Variants in NBPF3 observed in about 807,000 individuals in gnomAD.
NBPF3 encodes NBPF member 3, also known as NBPF family member NBPF3.
NBPF3 carries 57 observed loss-of-function variants against 78.1 expected under a neutral mutation model. The ratio of observed to expected loss-of-function variants is 0.73; its 90% CI spans 0.59 to 0.91. NBPF3 has a LOEUF of 0.91. NBPF3 is among the 40% of genes least tolerant of loss of function. The pLI is 0.00. For synonymous variants in NBPF3, 182 were observed against 271.7 expected (o/e 0.67, Z 3.25); for missense variants, 510 against 715.3 (o/e 0.71, Z 3.27).
At chr1:21,438,903 C>A (rs533070374), upstream of NBPF3, among the ~76,000 whole-genome samples, 1 of 152,170 alleles carries the variant, frequency 6.6e-6, no homozygotes, top group East Asian at 1.9e-4. Flanking sequence ...CAAATTAGTG[C>A]GAAGGCAGAG....
chr1:21,463,503 C>T (rs1185084342), intron 2 of NBPF3, among the ~76,000 whole-genome samples: 1 of 152,184 alleles, frequency 6.6e-6, no homozygotes, highest in Admixed American at 6.6e-5. Flanking sequence ...CAGGAAAGTT[C>T]TCATTCAAAA....
chr1:21,438,366 G>A (rs946172270), upstream of NBPF3, among the ~76,000 whole-genome samples: 11 of 152,122 alleles, frequency 7.2e-5, no homozygotes, highest in East Asian at 1.9e-4. Context: ...CACCCGCTTC[G>A]GCCACCCAAA....
chr1:21,468,656 A>AC, intron 2 of NBPF3, 32 bp from the exon 3 acceptor site: 1 of 1,612,326 alleles, frequency 6.2e-7, no homozygotes, highest in Non-Finnish European at 8.5e-7. Flanking sequence ...CCAGTTTTTA[A>AC]CCCATCGTGT....
At chr1:21,469,343 G>C (rs1642460701) in intron 3 of NBPF3, among the ~76,000 whole-genome samples, 1 of 152,150 alleles carries the variant, frequency 6.6e-6, no homozygotes, top group Non-Finnish European at 1.5e-5. Context: ...AGGAAAACTT[G>C]GTGATAGTAC....
At position 21,479,820 on chromosome 1, in the gene NBPF3, C is replaced by CTCTCTG. The variant is rs766796014; in HGVS notation, c.1209-230_1209-229insCTCTGT. 4.8e-3 allele frequency among the ~76,000 whole-genome samples: 490 copies of CTCTCTG among 102,886 alleles called. 7 individuals carry two copies. Among genetic ancestry groups the CTCTCTG allele is most frequent in the African/African-American group, 0.015 (451 of 29,778 alleles). The allele number at this position is 102,886 out of a possible 152,430, so 67.5% of individuals were successfully genotyped here. A position where few individuals can be genotyped will look rare whatever the true frequency, so the allele number is the denominator to read the frequency against. On this transcript the variant is annotated intron_variant, in intron 10 of 14. Transcript: ENST00000318249. Reference sequence around the variant, plus strand: ...TCTCTCTCTCTCTCTCTCTCTCTCTCTGTGTGTGTGTGTGTGTGTGTGTGT... The same window carrying CTCTCTG: ...TCTCTCTCTCTCTCTCTCTCTCTCTCTCTCTGTGTGTGTGTGTGTGTGTGTGTGTGT...
At chr1:21,441,598 C>T (rs1055992725) in intron 1 of NBPF3, among the ~76,000 whole-genome samples, 1 of 151,244 alleles carries the variant, frequency 6.6e-6, no homozygotes, top group African/African-American at 2.4e-5. Flanking sequence ...TCCCAGCTAC[C>T]CGGTAGGCTG....
chr1:21,439,194 G>T (rs766585486), upstream of NBPF3, among the ~76,000 whole-genome samples: 1 of 152,140 alleles, frequency 6.6e-6, no homozygotes, highest in African/African-American at 2.4e-5. Context: ...CAGGAGAATC[G>T]CTTGATCCTG....
chr1:21,479,323 G>A (rs747328712), intron 9 of NBPF3, 26 bp from the exon 10 acceptor site: 2 of 1,608,454 alleles, frequency 1.2e-6, no homozygotes, highest in African/African-American at 2.7e-5. Context: ...CTTCATGTAA[G>A]AGGCCCTGTC....
In NBPF3 at chr1:21,480,022, C is replaced by T. The variant is rs1179494571; in HGVS notation, c.1209-29C>T. 9.6e-6 allele frequency: 10 copies of T among 1,045,516 alleles called. No individual in the cohort carries two copies. The East Asian group carries it at 1.7e-4, about 17-fold the overall frequency. 64.8% of individuals were successfully genotyped at this position (1,045,516 alleles called of 1,614,324 possible). A position where few individuals can be genotyped will look rare whatever the true frequency, so the allele number is the denominator to read the frequency against. On this transcript the variant is annotated intron_variant, in intron 10 of 14. Transcript: ENST00000318249. ...CTGTGTGGTTTCTGATTCCCCCTGG[C>T]TTATTCTTTACTTTTCCTACTTTTC...
At chr1:21,479,295 G>A (rs772780678) in intron 9 of NBPF3, 54 bp from the exon 10 acceptor site, 184 of 1,557,232 alleles carry the variant, frequency 1.2e-4, no homozygotes, top group Non-Finnish European at 1.4e-4. Context: ...GAATGTTTCC[G>A]TGTGCAAGGA....
chr1:21,442,157 T>G (rs1183921652), intron 1 of NBPF3: 1 of 152,252 alleles, frequency 6.6e-6, no homozygotes, highest in African/African-American at 2.4e-5. Flanking sequence ...TTTCCCTTTT[T>G]TCAATCTGTA....
At position 21,468,796 on chromosome 1, in the gene NBPF3, G is replaced by A. The variant is rs757791248; in HGVS notation, c.242G>A (p.Arg81His). Residue 81 changes from arginine (R) to histidine (H), a missense_variant, in exon 3 of 15, where the codon CGC becomes CAC. Arg to His is a conservative substitution (Grantham distance 29). Coordinates refer to ENST00000318249, the MANE Select transcript of NBPF3 (RefSeq NM_032264.6). ...ATTCTAGAAATCAACAAGAAATCGC[G>A]CCCCCAGCTGGCAGAGAACAAACAG... ...MNILEINKKS[R>H]PQLAENKQQF... The A allele has an allele frequency of 9.9e-6, 16 of 1,613,886 alleles. No individual in the cohort carries two copies. The highest frequency in any genetic ancestry group is 8.3e-5 in the Admixed American group (5 of 59,978).
intron 2 of NBPF3, among the ~76,000 whole-genome samples, chr1:21,448,961 G>A (rs769920697): frequency 5.9e-5 from 9 of 152,174 alleles, no homozygotes; most frequent in Non-Finnish European, 1.0e-4. Context: ...CCAAAAGTTC[G>A]TTTAAAGAAT....
chr1:21,445,041 G>GT lies in NBPF3; in HGVS notation c.-45dup. The GT allele has an allele frequency of 6.3e-7, 1 of 1,585,110 alleles. No individual in the cohort carries two copies. The highest frequency in any genetic ancestry group is 8.6e-7 in the Non-Finnish European group (1 of 1,163,790). ...ATTGTCCCTTGCCGTCCTCCTGAGG[G>GT]TATCTGGAGCTTCAGTGCTGTGTGC... On this transcript the variant is annotated 5_prime_UTR_variant, in exon 2 of 15. Transcript: ENST00000318249.
intron 1 of NBPF3, among the ~76,000 whole-genome samples, chr1:21,443,510 A>G (rs997110701): frequency 3.9e-5 from 6 of 152,232 alleles, no homozygotes; most frequent in Non-Finnish European, 7.3e-5. Flanking sequence ...TAGCGAGAAA[A>G]CTTTATGGAT....
intron 2 of NBPF3, among the ~76,000 whole-genome samples, chr1:21,457,802 A>G (rs1328634626): frequency 6.6e-6 from 1 of 152,192 alleles, no homozygotes; most frequent in Non-Finnish European, 1.5e-5. Context: ...CTGTATGTGT[A>G]TTTCCAGACC....
chr1:21,481,384 C>T (rs1474308790), intron 12 of NBPF3, among the ~76,000 whole-genome samples: 1 of 80,298 alleles, frequency 1.2e-5, no homozygotes, highest in Non-Finnish European at 3.1e-5. Flanking sequence ...CTCTCTCTCT[C>T]TGCCTCTGTC....
At chr1:21,456,986 C>T (rs948890249) in intron 2 of NBPF3, among the ~76,000 whole-genome samples, 1 of 152,068 alleles carries the variant, frequency 6.6e-6, no homozygotes, top group Non-Finnish European at 1.5e-5. Context: ...AAAAATCTGC[C>T]AAAGCTAATT....
Position 21,473,510 on chromosome 1 carries a change from G to A in NBPF3, c.865G>A (p.Glu289Lys), listed in dbSNP as rs750781298. The A allele has an allele frequency of 3.1e-6, 5 of 1,614,082 alleles. No homozygotes were observed. The South Asian group carries it at 4.4e-5, about 14-fold the overall frequency. Residue 289 changes from glutamate to lysine, a missense_variant, in exon 7 of 15, where the codon GAA (glutamate) becomes AAA (lysine). Transcript: ENST00000318249. ...PYGNTRITFE[E>K]DQVDSTLIDS... ...CGGGAACACCAGAATCACATTTGAG[G>A]AAGACCAAGTCGACTCAACTCTCAT...
Sources: gnomAD v4.1 joint callset for allele counts (sites outside exome capture counted in the v4.1 genomes callset) on GRCh38, gnomAD v4.1.1 for gene constraint, MANE v1.5 for transcripts, NCBI Gene and HGNC (gene_info 2026-07-23, HGNC 2026-07-21) for gene names.